Variants in SEC14L1 observed in about 807,000 individuals in gnomAD.
The protein encoded by SEC14L1 is SEC14-like protein 1.
Under a neutral mutation model 85.3 loss-of-function variants are expected in SEC14L1, and 48 were observed. That is an observed-to-expected ratio of 0.56 (90% CI 0.45 to 0.72). The LOEUF (loss-of-function observed/expected upper bound fraction) is 0.72, where lower values mean the gene tolerates loss of function less well. SEC14L1 is among the 30% of genes least tolerant of loss of function. The pLI, the probability that SEC14L1 is intolerant of heterozygous loss-of-function variation, is 0.00. For missense variants in SEC14L1, 682 were observed against 921.4 expected (o/e 0.74, Z 3.36); for synonymous variants, 391 against 355.5 (o/e 1.10, Z -1.12).
upstream of SEC14L1, among the ~76,000 whole-genome samples, chr17:77,136,706 C>A (rs1972810506): frequency 6.6e-6 from 1 of 152,130 alleles, no homozygotes; most frequent in African/African-American, 2.4e-5. Context: ...GTTCGGGGAG[C>A]AGGTTTGCTC....
At chr17:77,194,505 T>C (rs1369216781) in intron 6 of SEC14L1, among the ~76,000 whole-genome samples, 172 bp from the exon 7 acceptor site, 1 of 151,520 alleles carries the variant, frequency 6.6e-6, no homozygotes, top group Non-Finnish European at 1.5e-5. Flanking sequence ...TGAGCTGTGA[T>C]CATGCCACTG....
intron 3 of SEC14L1, chr17:77,185,213 A>G: frequency 6.1e-6 from 6 of 985,444 alleles, no homozygotes; most frequent in South Asian, 4.7e-5. Context: ...GCAGCCTAGC[A>G]GTGCATTTGG....
At chr17:77,208,831 A>G (rs917246999) in intron 13 of SEC14L1, among the ~76,000 whole-genome samples, 1 of 152,232 alleles carries the variant, frequency 6.6e-6, no homozygotes, top group Non-Finnish European at 1.5e-5. Flanking sequence ...TTCTAATTCA[A>G]CTTGTTTCAG....
At chr17:77,207,693 C>G (rs1411590596) in intron 13 of SEC14L1, among the ~76,000 whole-genome samples, 1 of 152,182 alleles carries the variant, frequency 6.6e-6, no homozygotes, top group Non-Finnish European at 1.5e-5. Context: ...CTCAAGTAAT[C>G]CGCCCACCTC....
rs1362401926 is a variant in SEC14L1, at chr17:77,117,103, T to TTTGGGAGGCCGAGGCGGGTGGATC, written c.-136+23757_-136+23780dup. Among the ~76,000 whole-genome samples, 5 of 152,150 alleles carry TTTGGGAGGCCGAGGCGGGTGGATC rather than the reference T, an allele frequency of 3.3e-5. No homozygotes were observed. The East Asian group carries it at 9.6e-4, about 29-fold the overall frequency. ...TGGCTCATGCCTGTAATCCCAGCAT[T>TTTGGGAGGCCGAGGCGGGTGGATC]TTGGGAGGCCGAGGCGGGTGGATCA... On this transcript the variant is annotated intron_variant, in intron 3 of 19. Transcript: ENST00000392476.
chr17:77,142,050 A>G (rs1973074777), intron 1 of SEC14L1, among the ~76,000 whole-genome samples: 1 of 152,174 alleles, frequency 6.6e-6, no homozygotes, highest in African/African-American at 2.4e-5. Flanking sequence ...TCTCATTCTC[A>G]TGGTTTTAGA....
At chr17:77,137,035 G>T (rs2678768), upstream of SEC14L1, among the ~76,000 whole-genome samples, 1 of 151,746 alleles carries the variant, frequency 6.6e-6, no homozygotes, top group African/African-American at 2.4e-5. Context: ...TCAGCCTCCA[G>T]AGTAGCTGGG....
intron 3 of SEC14L1, among the ~76,000 whole-genome samples, chr17:77,185,957 A>C (rs1185365433): frequency 1.3e-5 from 2 of 152,222 alleles, no homozygotes; most frequent in Non-Finnish European, 2.9e-5. Context: ...GGGATTCAGA[A>C]CATGTTTGAG....
At chr17:77,105,700 G>A (rs1165587906) in intron 3 of SEC14L1, among the ~76,000 whole-genome samples, 1 of 152,198 alleles carries the variant, frequency 6.6e-6, no homozygotes, top group East Asian at 1.9e-4. Context: ...AGAGTTCACA[G>A]AAAAATGTGA....
chr17:77,194,287 G>A (rs1467260147), intron 6 of SEC14L1, among the ~76,000 whole-genome samples: 1 of 152,210 alleles, frequency 6.6e-6, no homozygotes, highest in African/African-American at 2.4e-5. Context: ...GGGCGCACTG[G>A]CTCATGCCTG....
chr17:77,150,760 C>T (rs1973519112), intron 3 of SEC14L1, among the ~76,000 whole-genome samples: 1 of 152,190 alleles, frequency 6.6e-6, no homozygotes, highest in African/African-American at 2.4e-5. Flanking sequence ...GCCCTTTCTC[C>T]ATCTTTGTGG....
At chr17:77,186,412 A>G (rs1975269064) in intron 3 of SEC14L1, among the ~76,000 whole-genome samples, 1 of 152,162 alleles carries the variant, frequency 6.6e-6, no homozygotes, top group Admixed American at 6.5e-5. Flanking sequence ...CCTCTCTCTC[A>G]AAGGCTTTCC....
chr17:77,139,734 G>T (rs1325731780), upstream of SEC14L1, among the ~76,000 whole-genome samples: 1 of 151,874 alleles, frequency 6.6e-6, no homozygotes, highest in Non-Finnish European at 1.5e-5. Flanking sequence ...TCCTGACCTC[G>T]TGATCCGCCC....
intron 14 of SEC14L1, chr17:77,209,848 C>CT (rs71160210): frequency 0.17 from 26,838 of 157,600 alleles, 2,398 homozygotes; most frequent in Middle Eastern, 0.23. Context: ...GCTACTTTTT[C>CT]TTTTTTTTTT....
chr17:77,144,924 T>C (rs547877436), intron 3 of SEC14L1: 2 of 151,670 alleles, frequency 1.3e-5, no homozygotes, highest in South Asian at 4.2e-4. Context: ...TTTTTATTTT[T>C]ATTTTTTGAG....
At chr17:77,201,291 GAT>G (rs1298438526) in intron 9 of SEC14L1, among the ~76,000 whole-genome samples, 1 of 152,188 alleles carries the variant, frequency 6.6e-6, no homozygotes, top group East Asian at 1.9e-4. Context: ...AGCCGGGCAG[GAT>G]GGAATTGGAA....
Position 77,096,428 on chromosome 17 carries a change from G to A in SEC14L1, c.-136+3081G>A, listed in dbSNP as rs1015444038. ...AAAAATTAGCCAGGCGTTATGTTGCGTACCTATAATCCCAGCTACTCGGGA... is the reference window on the plus strand; with the variant it reads ...AAAAATTAGCCAGGCGTTATGTTGCATACCTATAATCCCAGCTACTCGGGA... On this transcript the variant is annotated intron_variant, in intron 3 of 19. Coordinates refer to the SEC14L1 transcript ENST00000392476. Among the ~76,000 whole-genome samples the A allele has an allele frequency of 9.9e-5, 15 of 151,840 alleles. No homozygotes were observed. In the East Asian group the frequency reaches 1.4e-3, roughly 14 times the overall value.
chr17:77,149,142 G>T (rs1248946705), intron 3 of SEC14L1, among the ~76,000 whole-genome samples: 1 of 152,138 alleles, frequency 6.6e-6, no homozygotes, highest in Admixed American at 6.5e-5. Context: ...CCTTCCCCGG[G>T]ACACATTCTT....
At chr17:77,093,642 G>A (rs1971570760) in intron 3 of SEC14L1, 1 of 152,240 alleles carries the variant, frequency 6.6e-6, no homozygotes, top group Non-Finnish European at 1.5e-5. Flanking sequence ...TCCACGTGGG[G>A]TTTCTGATCC....
Sources: allele counts gnomAD v4.1 joint callset (sites outside exome capture counted in the v4.1 genomes callset), GRCh38; gene constraint gnomAD v4.1.1; transcripts MANE v1.5; gene names NCBI Gene and HGNC (gene_info 2026-07-23, HGNC 2026-07-21).